The following EMILIN1 variants were observed in gnomAD, a reference collection of about 807,000 sequenced individuals.
The protein encoded by EMILIN1 is elastin microfibril interfacer 1.
EMILIN1 carries 49 observed loss-of-function variants against 82.4 expected under a neutral mutation model. That is an observed-to-expected ratio of 0.59 (90% confidence interval 0.47 to 0.75). The LOEUF (loss-of-function observed/expected upper bound fraction) is 0.75, where lower values mean the gene tolerates loss of function less well. Among genes scored for constraint, EMILIN1 ranks in the 30% least tolerant of loss-of-function variants. The pLI is 0.00. For synonymous variants in EMILIN1, 604 were observed against 602.2 expected (o/e 1.00, Z -0.04); for missense variants, 1,313 against 1,366.4 (o/e 0.96, Z 0.62).
rs773644396 is a variant in EMILIN1 at position 27,085,808 on chromosome 2, C to T, written c.2844C>T (p.Tyr948=). 3 of 1,612,432 alleles carry T rather than the reference C, an allele frequency of 1.9e-6. No homozygotes were observed. Among genetic ancestry groups the T allele is most frequent in the Non-Finnish European group, 2.5e-6 (3 of 1,179,722 alleles). The change falls in exon 8 of 8, where the codon TAC becomes TAT. Residue 948 remains tyrosine (Y), a synonymous_variant. Transcript: ENST00000380320. ...QGVARVDSGG[Y]EPEGLENKPV... Reference sequence around the variant, plus strand: ...TGGCCCGCGTAGACTCCGGTGGCTACGAGCCTGAGGGCCTGGAGAATAAGC... The same window carrying T: ...TGGCCCGCGTAGACTCCGGTGGCTATGAGCCTGAGGGCCTGGAGAATAAGC...
Position 27,082,820 on chromosome 2 carries a change from A to G in EMILIN1, c.1249A>G (p.Thr417Ala). The G allele has an allele frequency of 6.4e-7, 1 of 1,562,472 alleles. No individual in the cohort carries two copies. The highest frequency in any genetic ancestry group is 8.6e-7 in the Non-Finnish European group (1 of 1,162,366). Reference protein sequence around the residue: ...LSRLEDRFNSTLGPSEEQEES... With the variant: ...LSRLEDRFNSALGPSEEQEES... ...TCGCCTGGAGGACCGCTTCAACTCCACCCTGGGCCCTTCGGAGGAGCAGGA... is the reference window on the plus strand; with the variant it reads ...TCGCCTGGAGGACCGCTTCAACTCCGCCCTGGGCCCTTCGGAGGAGCAGGA... The change falls in exon 4 of 8, where the codon ACC (threonine) becomes GCC (alanine). Residue 417 changes from threonine to alanine, a missense_variant. Thr to Ala is a moderately conservative substitution (Grantham distance 58). Transcript: ENST00000380320.
At position 27,083,509 on chromosome 2, in the gene EMILIN1, G is replaced by T; in HGVS notation, c.1938G>T (p.Glu646Asp). The T allele has an allele frequency of 6.2e-7, 1 of 1,613,940 alleles. No individual in the cohort carries two copies. The highest frequency in any genetic ancestry group is 8.5e-7 in the Non-Finnish European group (1 of 1,179,960). ...SGSALQALQG[E>D]LSEVILSFSS... Reference sequence around the variant, plus strand: ...CAGCCCTGCAGGCCCTGCAAGGAGAGCTCTCTGAGGTTATTCTCAGCTTCA... The same window carrying T: ...CAGCCCTGCAGGCCCTGCAAGGAGATCTCTCTGAGGTTATTCTCAGCTTCA... The change falls in exon 4 of 8, where the codon GAG (glutamate) becomes GAT (aspartate). Residue 646 changes from glutamate (E) to aspartate (D), a missense_variant. Physicochemically the swap from Glu to Asp is conservative, Grantham distance 45 (BLOSUM62 2). Coordinates refer to ENST00000380320, the MANE Select transcript of EMILIN1 (RefSeq NM_007046.4).
chr2:27,079,333 GA>G, intron 1 of EMILIN1, 98 bp downstream of exon 1: 1 of 1,064,608 alleles, frequency 9.4e-7, no homozygotes, highest in East Asian at 3.2e-5. Context: ...ATGCAGGGCA[GA>G]GGGGGAGTGA....
rs766701454 is a variant in EMILIN1, at chr2:27,085,830, A to G, written c.2866A>G (p.Lys956Glu). 1.2e-6 allele frequency: 2 copies of G among 1,611,640 alleles called. No individual in the cohort carries two copies. Among genetic ancestry groups the G allele is most frequent in the East Asian group, 4.5e-5 (2 of 44,838 alleles). Residue 956 changes from lysine (K) to glutamate (E), a missense_variant, in exon 8 of 8, where the codon AAG (lysine) becomes GAG (glutamate). By Grantham distance (56) the Lys-to-Glu change is moderately conservative. Coordinates refer to ENST00000380320, the MANE Select transcript of EMILIN1 (RefSeq NM_007046.4). ...CTACGAGCCTGAGGGCCTGGAGAAT[A>G]AGCCGGTGGCCGAGAGCCAGCCCAG... ...GGYEPEGLEN[K>E]PVAESQPSPG...
Position 27,082,242 on chromosome 2 carries a change from C to G in EMILIN1, c.671C>G (p.Pro224Arg). The change falls in exon 4 of 8, where the codon CCA becomes CGA. Residue 224 changes from proline to arginine, a missense_variant. Physicochemically the swap from Pro to Arg is moderately radical, Grantham distance 103 (BLOSUM62 -2). Transcript: ENST00000380320. ...VETAFNGRQQ[P>R]ADAAARPGVH... Reference sequence around the variant, plus strand: ...ACGGCCTTCAACGGGAGGCAGCAGCCAGCTGACGCGGCTGCCCGCCCTGGG... The same window carrying G: ...ACGGCCTTCAACGGGAGGCAGCAGCGAGCTGACGCGGCTGCCCGCCCTGGG... 2 of 1,613,372 alleles carry G rather than the reference C, an allele frequency of 1.2e-6. No individual in the cohort carries two copies. The highest frequency in any genetic ancestry group is 1.7e-6 in the Non-Finnish European group (2 of 1,179,960).
Position 27,079,096 on chromosome 2 carries a change from C to G in EMILIN1, c.31C>G (p.Leu11Val). 6.2e-7 allele frequency: 1 copy of G among 1,605,906 alleles called. No individual in the cohort carries two copies. Among genetic ancestry groups the G allele is most frequent in the Non-Finnish European group, 8.5e-7 (1 of 1,176,782 alleles). The change falls in exon 1 of 8, where the codon CTC (leucine) becomes GTC (valine). Residue 11 changes from leucine (L) to valine (V), a missense_variant. Leu to Val is a conservative substitution (Grantham distance 32, BLOSUM62 1). Coordinates refer to ENST00000380320, the MANE Select transcript of EMILIN1 (RefSeq NM_007046.4). ...CCCCCGCACCCTCTGGAGCTGCTAC[C>G]TCTGCTGCCTGCTGACGGCAGCTGC... MAPRTLWSCYLCCLLTAAAGA... is the reference protein window; with the variant it reads MAPRTLWSCYVCCLLTAAAGA...
rs2148316591 is a variant in EMILIN1 at position 27,078,775 on chromosome 2, A to G, written c.-291A>G. The G allele has an allele frequency of 5.6e-6, 2 of 360,302 alleles. No homozygotes were observed. Among genetic ancestry groups the G allele is most frequent in the South Asian group, 7.2e-5 (1 of 13,934 alleles). 22.3% of individuals were successfully genotyped at this position (360,302 alleles called of 1,614,324 possible). On this transcript the variant is annotated 5_prime_UTR_variant, in exon 1 of 8. Coordinates refer to ENST00000380320, the MANE Select transcript of EMILIN1 (RefSeq NM_007046.4). ...GACGCAGCTCCTGAGAGGGGCAGGGACCAGGCGCGGGAGGCCAGAGGGGGC... is the reference window on the plus strand; with the variant it reads ...GACGCAGCTCCTGAGAGGGGCAGGGGCCAGGCGCGGGAGGCCAGAGGGGGC...
rs1199155132 is a variant in EMILIN1 at position 27,082,718 on chromosome 2, C to A, written c.1147C>A (p.Arg383=). 1.5e-5 allele frequency: 23 copies of A among 1,550,098 alleles called. No individual in the cohort carries two copies. In the East Asian group the frequency reaches 4.8e-4, roughly 32 times the overall value. ...CTCAGTGACAGTGCTGAGTGGGCGG[C>A]GAGGCACAGAGCTGGGAGGAGCCGC... ...AGSVTVLSGR[R]GTELGGAAGQ... is the part of the protein sequence containing the mutation. Residue 383 remains arginine, a synonymous_variant, in exon 4 of 8, where the codon CGA becomes AGA. Coordinates refer to ENST00000380320, the MANE Select transcript of EMILIN1 (RefSeq NM_007046.4).
intron 3 of EMILIN1, among the ~76,000 whole-genome samples, chr2:27,081,807 G>T (rs1669481138): frequency 6.6e-6 from 1 of 152,220 alleles, no homozygotes; most frequent in Non-Finnish European, 1.5e-5. Flanking sequence ...GTGATCCATG[G>T]CCAGGCACCT....
intron 5 of EMILIN1, among the ~76,000 whole-genome samples, 163 bp downstream of exon 5, chr2:27,084,694 T>C (rs1489127238): frequency 6.6e-6 from 1 of 152,234 alleles, no homozygotes; most frequent in Admixed American, 6.5e-5. Flanking sequence ...GAGGAGGAAC[T>C]GTGATAGTCA....
chr2:27,086,147 C>T lies in EMILIN1; in HGVS notation c.*132C>T, dbSNP rs1669629835. 1.6e-6 allele frequency: 1 copy of T among 629,144 alleles called. No individual in the cohort carries two copies. Among genetic ancestry groups the T allele is most frequent in the Non-Finnish European group, 2.3e-6 (1 of 429,438 alleles). The allele number at this position is 629,144 out of a possible 1,614,324, so 39.0% of individuals were successfully genotyped here. Reference sequence around the variant, plus strand: ...ACCCGGGCCCGCAGCGGCACCGCGCCCAGAGCGGCCTCTCCCCACGCCCGG... The same window carrying T: ...ACCCGGGCCCGCAGCGGCACCGCGCTCAGAGCGGCCTCTCCCCACGCCCGG... On this transcript the variant is annotated 3_prime_UTR_variant, in exon 8 of 8. Transcript: ENST00000380320.
rs1247803715 is a variant in EMILIN1, at chr2:27,084,540, A to C, written c.2557+9A>C. 6.4e-7 allele frequency: 1 copy of C among 1,557,740 alleles called. No individual in the cohort carries two copies. The highest frequency in any genetic ancestry group is 2.2e-5 in the East Asian group (1 of 44,616). On this transcript the variant is annotated intron_variant, in intron 5 of 7. Transcript: ENST00000380320. ...CCCCATCGGGCCACCAGGTATGTGC[A>C]CTGAGACCCTTGCTGCAGTCAGGGT...
chr2:27,084,300 C>G (rs1323891037), intron 4 of EMILIN1, 115 bp from the exon 5 acceptor site: 3 of 743,668 alleles, frequency 4.0e-6, no homozygotes, highest in African/African-American at 1.8e-5. Context: ...CCTCAGCCTG[C>G]AAAGCTCCAC....
At position 27,081,244 on chromosome 2, in the gene EMILIN1, C is replaced by T. The variant is rs375032999; in HGVS notation, c.511+292C>T. On this transcript the variant is annotated intron_variant, in intron 3 of 7. Coordinates refer to ENST00000380320, the MANE Select transcript of EMILIN1 (RefSeq NM_007046.4). Reference sequence around the variant, plus strand: ...AAAAAGAGAAGGTGCTCGCACACGCCCCATGTGGCCAAGATCCTTCAAACA... The same window carrying T: ...AAAAAGAGAAGGTGCTCGCACACGCTCCATGTGGCCAAGATCCTTCAAACA... 2.6e-4 allele frequency among the ~76,000 whole-genome samples: 40 copies of T among 152,182 alleles called. No individual in the cohort carries two copies. In the South Asian group the frequency reaches 8.3e-3, roughly 32 times the overall value.
rs749070356 is a variant in EMILIN1 at position 27,079,070 on chromosome 2, C to A, written c.5C>A (p.Ala2Asp). 6 of 1,566,530 alleles carry A rather than the reference C, an allele frequency of 3.8e-6. No homozygotes were observed. In the African/African-American group the frequency reaches 8.5e-5, roughly 22 times the overall value. Residue 2 changes from alanine (A) to aspartate (D), a missense_variant, in exon 1 of 8, where the codon GCC becomes GAC. Transcript: ENST00000380320. ...GCCACTGTGGAGCGCCCCGCCATGG[C>A]CCCCCGCACCCTCTGGAGCTGCTAC... M[A>D]PRTLWSCYLC...
At chr2:27,085,576 C>A in intron 7 of EMILIN1, 102 bp from the exon 8 acceptor site, 1 of 1,154,512 alleles carries the variant, frequency 8.7e-7, no homozygotes, top group Non-Finnish European at 1.2e-6. Context: ...CGCTCACATT[C>A]CAGTGAGGTG....
rs1317193756 is a variant in EMILIN1 at position 27,081,058 on chromosome 2, GAGAGA to G, written c.511+112_511+116del. The stretch of plus-strand genomic sequence containing the variant: ...GGGGAGTCCCCCGTGCTCTATGCCA[GAGAGA>G]AGAGAGGGGCAGAAGGGTTAGTGAG... On this transcript the variant is annotated intron_variant, in intron 3 of 7. Transcript: ENST00000380320. The G allele has an allele frequency of 4.9e-6, 4 of 810,968 alleles. No homozygotes were observed. The East Asian group carries it at 1.1e-4, about 22-fold the overall frequency. 50.2% of individuals were successfully genotyped at this position (810,968 alleles called of 1,614,324 possible).
At position 27,083,815 on chromosome 2, in the gene EMILIN1, C is replaced by T. The variant is rs34638599; in HGVS notation, c.2244C>T (p.Arg748=). ...TGGCTGGGGGACTGCAGGGCCTGCGCGAGGGCCTTTCCAGACACGTGGCTG... is the reference window on the plus strand; with the variant it reads ...TGGCTGGGGGACTGCAGGGCCTGCGTGAGGGCCTTTCCAGACACGTGGCTG... The part of the protein sequence containing the change: ...DTVAGGLQGL[R]EGLSRHVAGL... Residue 748 remains arginine, a synonymous_variant, in exon 4 of 8, where the codon CGC becomes CGT. Coordinates refer to ENST00000380320, the MANE Select transcript of EMILIN1 (RefSeq NM_007046.4). 10 of 1,598,862 alleles carry T rather than the reference C, an allele frequency of 6.3e-6. No homozygotes were observed. Among genetic ancestry groups the T allele is most frequent in the Middle Eastern group, 1.7e-4 (1 of 6,016 alleles).
rs973301685 is a variant in EMILIN1, at chr2:27,079,035, G to A, written c.-31G>A. On this transcript the variant is annotated 5_prime_UTR_variant, in exon 1 of 8. Transcript: ENST00000380320. ...AGGCGCCAGTGGCTGGGCGGGATGA[G>A]TCTCTGAGGGCCACTGTGGAGCGCC... The A allele has an allele frequency of 7.3e-6, 11 of 1,503,232 alleles. No homozygotes were observed. The African/African-American group carries it at 1.3e-4, about 18-fold the overall frequency. 93.1% of individuals were successfully genotyped at this position (1,503,232 alleles called of 1,614,324 possible). A position where few individuals can be genotyped will look rare whatever the true frequency, so the allele number is the denominator to read the frequency against.
Sources: allele counts gnomAD v4.1 joint callset (sites outside exome capture counted in the v4.1 genomes callset), GRCh38; gene constraint gnomAD v4.1.1; transcripts MANE v1.5; gene names NCBI Gene and HGNC (gene_info 2026-07-23, HGNC 2026-07-21).